The following DACH1 variants were observed in gnomAD, a reference collection of about 807,000 sequenced individuals.
The protein encoded by DACH1 is dachshund family transcription factor 1.
DACH1 carries 12 observed loss-of-function variants against 54.2 expected under a neutral mutation model. The ratio of observed to expected loss-of-function variants is 0.22; its 90% CI spans 0.14 to 0.36. The LOEUF is 0.36. DACH1 is among the 10% of genes least tolerant of loss of function. The probability of loss-of-function intolerance (pLI) is 1.00; values close to 1 mark genes in which losing one functional copy is unlikely to be tolerated. For missense variants in DACH1, 805 were observed against 929.8 expected (o/e 0.87, Z 1.75); for synonymous variants, 386 against 366.2 (o/e 1.05, Z -0.62).
At chr13:71,459,963 T>C (rs1445846217) in intron 10 of DACH1, among the ~76,000 whole-genome samples, 1 of 152,078 alleles carries the variant, frequency 6.6e-6, no homozygotes, top group Admixed American at 6.6e-5. Flanking sequence ...TTTTGTGTTT[T>C]ATAAAATAAC....
intron 1 of DACH1, among the ~76,000 whole-genome samples, chr13:71,788,230 C>T (rs1437004538): frequency 6.6e-6 from 1 of 152,046 alleles, no homozygotes; most frequent in Admixed American, 6.6e-5. Context: ...AGATCTGGTT[C>T]AACTTTACCA....
chr13:71,499,771 G>A (rs563387026), intron 6 of DACH1, among the ~76,000 whole-genome samples: 43 of 152,104 alleles, frequency 2.8e-4, no homozygotes, highest in Middle Eastern at 3.4e-3. Context: ...TAAAGTCTGC[G>A]CTTGCCCATA....
At chr13:71,639,346 T>C (rs778111332) in intron 2 of DACH1, among the ~76,000 whole-genome samples, 133 of 152,294 alleles carry the variant, frequency 8.7e-4, no homozygotes, top group Admixed American at 3.1e-3. Context: ...TGTGAACTTT[T>C]CTCTTAATGT....
chr13:71,838,595 T>C (rs1316830173), intron 1 of DACH1, among the ~76,000 whole-genome samples: 5 of 152,188 alleles, frequency 3.3e-5, no homozygotes, highest in Non-Finnish European at 7.3e-5. Context: ...TGCATGATTG[T>C]TTATAAGCCA....
intron 6 of DACH1, among the ~76,000 whole-genome samples, chr13:71,507,677 C>A (rs1350435612): frequency 6.6e-6 from 1 of 152,112 alleles, no homozygotes. Context: ...CATCCTTGGA[C>A]TGACTACCTG....
At chr13:71,441,922 T>C (rs1874038963) in intron 10 of DACH1, among the ~76,000 whole-genome samples, 1 of 152,070 alleles carries the variant, frequency 6.6e-6, no homozygotes, top group South Asian at 2.1e-4. Context: ...GGGTAAATAT[T>C]AGGTGCATAT....
intron 2 of DACH1, among the ~76,000 whole-genome samples, chr13:71,637,618 T>C (rs1055913353): frequency 1.3e-5 from 2 of 152,184 alleles, no homozygotes; most frequent in Non-Finnish European, 2.9e-5. Flanking sequence ...AATCCATGGA[T>C]ATATCTTTTG....
intron 7 of DACH1, among the ~76,000 whole-genome samples, chr13:71,483,380 T>C (rs943373303): frequency 2.0e-5 from 3 of 146,898 alleles, no homozygotes; most frequent in African/African-American, 7.4e-5. Flanking sequence ...TTAAATTATG[T>C]ATCAATAATT....
chr13:71,801,549 G>C (rs953191409), intron 1 of DACH1, among the ~76,000 whole-genome samples: 8 of 152,054 alleles, frequency 5.3e-5, no homozygotes, highest in African/African-American at 1.9e-4. Context: ...TTTATCTCTA[G>C]AATTCAGGAG....
intron 6 of DACH1, among the ~76,000 whole-genome samples, chr13:71,533,900 C>T (rs1367961233): frequency 6.6e-6 from 1 of 151,838 alleles, no homozygotes; most frequent in African/African-American, 2.4e-5. Context: ...TTTTCTCCAC[C>T]CCACCCCAGT....
intron 1 of DACH1, among the ~76,000 whole-genome samples, chr13:71,731,163 C>T (rs1478376377): frequency 6.6e-6 from 1 of 151,984 alleles, no homozygotes; most frequent in Non-Finnish European, 1.5e-5. Flanking sequence ...TGTTATTAAA[C>T]AGATAAGCCT....
intron 1 of DACH1, among the ~76,000 whole-genome samples, chr13:71,855,789 A>G (rs1054742656): frequency 1.2e-4 from 19 of 152,148 alleles, no homozygotes; most frequent in East Asian, 5.8e-4. Flanking sequence ...AAAATTAAAT[A>G]TATTCCTAGA....
chr13:71,804,819 A>G (rs999182843), intron 1 of DACH1, among the ~76,000 whole-genome samples: 6 of 152,170 alleles, frequency 3.9e-5, no homozygotes, highest in African/African-American at 1.4e-4. Context: ...TAGTCTATCT[A>G]AAATCTTTTT....
At chr13:71,556,901 T>C in intron 6 of DACH1, 123 bp downstream of exon 6, 1 of 1,106,338 alleles carries the variant, frequency 9.0e-7, no homozygotes, top group Non-Finnish European at 1.2e-6. Flanking sequence ...ATATTGTGGA[T>C]TTTAAAAACA....
chr13:71,512,737 T>C (rs2138261374), intron 6 of DACH1, among the ~76,000 whole-genome samples: 1 of 152,066 alleles, frequency 6.6e-6, no homozygotes, highest in South Asian at 2.1e-4. Flanking sequence ...TAACTTGAAA[T>C]ACAATTTCAA....
intron 2 of DACH1, among the ~76,000 whole-genome samples, chr13:71,654,742 A>G (rs932204862): frequency 8.5e-5 from 13 of 152,164 alleles, no homozygotes; most frequent in African/African-American, 3.1e-4. Context: ...TAAAATGCCA[A>G]TATTTTGGCC....
intron 1 of DACH1, among the ~76,000 whole-genome samples, chr13:71,710,452 TTGTGTGTG>T (rs71681955): frequency 0.1 from 14,385 of 140,544 alleles, 787 homozygotes; most frequent in African/African-American, 0.11. Context: ...TATGAGGGTT[TTGTGTGTG>T]TGTGTGTGTG....
In DACH1 at chr13:71,738,995, G is replaced by C. The variant is rs193260626; in HGVS notation, c.849-57085C>G. ...CAGCCAGGCACGGTGGCTTACTCCT[G>C]TAATCCCAGCACTTTGGAAGGCCGA... is the stretch of plus-strand genomic sequence containing the variant. On this transcript the variant is annotated intron_variant, in intron 1 of 10. Transcript: ENST00000613252. 3.3e-3 allele frequency among the ~76,000 whole-genome samples: 495 copies of C among 152,020 alleles called. 4 individuals are homozygous for C. Among genetic ancestry groups the C allele is most frequent in the Non-Finnish European group, 4.6e-3 (310 of 67,980 alleles).
chr13:71,863,617 GA>G (rs1193693534), intron 1 of DACH1, among the ~76,000 whole-genome samples: 1 of 152,016 alleles, frequency 6.6e-6, no homozygotes, highest in East Asian at 1.9e-4. Context: ...ACCTCAGGGG[GA>G]AAAAACTTGA....
Sources: allele counts gnomAD v4.1 joint callset (sites outside exome capture counted in the v4.1 genomes callset), GRCh38; gene constraint gnomAD v4.1.1; transcripts MANE v1.5; gene names NCBI Gene and HGNC (gene_info 2026-07-23, HGNC 2026-07-21).